Variants in SCN2B observed in about 807,000 individuals in gnomAD.
SCN2B encodes sodium channel regulatory subunit beta-2.
A neutral mutation model predicts 18.2 loss-of-function variants in SCN2B; 14 were observed. That is an observed-to-expected ratio of 0.77 (90% CI 0.51 to 1.21). SCN2B has a LOEUF of 1.21. SCN2B is among the 50% of genes most tolerant of loss of function. The pLI, the probability that SCN2B is intolerant of heterozygous loss-of-function variation, is 0.00. For synonymous variants in SCN2B, 115 were observed against 115.3 expected (o/e 1.00, Z 0.02); for missense variants, 262 against 286.9 (o/e 0.91, Z 0.63).
rs2135515737 is a variant in SCN2B, at chr11:118,163,819, G to A, written c.*3068C>T. ...GGAAGAACTTGTCAGCATAAGTTAG[G>A]AAACAGGGTAGGGAAATGGCTGCTG... On this transcript the variant is annotated 3_prime_UTR_variant, in exon 4 of 4. Transcript: ENST00000278947. 1 of 152,384 alleles carries A rather than the reference G, an allele frequency of 6.6e-6. No individual in the cohort carries two copies. Among genetic ancestry groups the A allele is most frequent in the East Asian group, 1.9e-4 (1 of 5,186 alleles). 9.4% of individuals were successfully genotyped at this position (152,384 alleles called of 1,614,324 possible).
rs551078829 is a variant in SCN2B at position 118,163,196 on chromosome 11, A to C, written c.*3691T>G. 2.0e-5 allele frequency: 3 copies of C among 152,586 alleles called. No individual in the cohort carries two copies. Among genetic ancestry groups the C allele is most frequent in the Non-Finnish European group, 4.4e-5 (3 of 68,048 alleles). 9.5% of individuals were successfully genotyped at this position (152,586 alleles called of 1,614,324 possible). On this transcript the variant is annotated 3_prime_UTR_variant, in exon 4 of 4. Transcript: ENST00000278947. ...TAGAGAGAGAGACTATGTACAGTGC[A>C]TCAGCAAGCTTCAATAAAGGAAGAC...
In SCN2B at chr11:118,166,991, A is replaced by T. The variant is rs1429668227; in HGVS notation, c.544T>A (p.Cys182Ser). ...VVILVLMVVK[C>S]VRRKKEQKLS... ...TTCTGCTCTTTTTTTCTCCTCACAC[A>T]CTTGACCACCATCAGCACCAAGATG... Residue 182 changes from cysteine (C) to serine (S), a missense_variant, in exon 4 of 4, where the codon TGT (cysteine) becomes AGT (serine). By Grantham distance (112) the Cys-to-Ser change is moderately radical. Coordinates refer to ENST00000278947, the MANE Select transcript of SCN2B (RefSeq NM_004588.5). 1.2e-6 allele frequency: 2 copies of T among 1,613,570 alleles called. No individual in the cohort carries two copies. Among genetic ancestry groups the T allele is most frequent in the South Asian group, 2.2e-5 (2 of 91,048 alleles).
chr11:118,174,990 A>G (rs1948458207), intron 1 of SCN2B, among the ~76,000 whole-genome samples: 1 of 152,204 alleles, frequency 6.6e-6, no homozygotes, highest in Admixed American at 6.5e-5. Context: ...CCAACGTTTA[A>G]GAGAATGTGC....
At chr11:118,170,904 C>T (rs908691538) in intron 1 of SCN2B, among the ~76,000 whole-genome samples, 1 of 152,176 alleles carries the variant, frequency 6.6e-6, no homozygotes, top group Non-Finnish European at 1.5e-5. Context: ...TGCCCCACTC[C>T]AACCAGTCCG....
rs978281888 is a variant in SCN2B, at chr11:118,168,829, G to A, written c.71-78C>T. 2.0e-6 allele frequency: 3 copies of A among 1,529,008 alleles called. No individual in the cohort carries two copies. In the African/African-American group the frequency reaches 4.1e-5, roughly 21 times the overall value. The allele number at this position is 1,529,008 out of a possible 1,614,324, so 94.7% of individuals were successfully genotyped here. ...GGGCAAGCCCTCTGTGCCTGGGAGT[G>A]TTGGGGGATGAGGCAGAGCAGAGCC... On this transcript the variant is annotated intron_variant, in intron 1 of 3. Coordinates refer to ENST00000278947, the MANE Select transcript of SCN2B (RefSeq NM_004588.5). The surrounding 1 kb of genome is among the most constrained non-coding windows in gnomAD (Gnocchi z 4.7).
chr11:118,171,065 G>A (rs1467511664), intron 1 of SCN2B, among the ~76,000 whole-genome samples: 1 of 152,112 alleles, frequency 6.6e-6, no homozygotes, highest in Non-Finnish European at 1.5e-5. Context: ...CCCCTGGCCC[G>A]AGTGACCAGG....
At chr11:118,174,086 C>CTTT (rs1948449367) in intron 1 of SCN2B, among the ~76,000 whole-genome samples, 1 of 54,730 alleles carries the variant, frequency 1.8e-5, no homozygotes, top group Non-Finnish European at 3.4e-5. Flanking sequence ...GCTTATTTTT[C>CTTT]TTTTCTTTTT....
At position 118,174,091 on chromosome 11, in the gene SCN2B, C is replaced by CTTTTTTTT. The variant is rs1162918445; in HGVS notation, c.70+2263_70+2270dup. 6.3e-3 allele frequency among the ~76,000 whole-genome samples: 420 copies of CTTTTTTTT among 66,666 alleles called. 24 individuals are homozygous for CTTTTTTTT. Among genetic ancestry groups the CTTTTTTTT allele is most frequent in the South Asian group, 8.3e-3 (11 of 1,328 alleles). 43.7% of individuals were successfully genotyped at this position (66,666 alleles called of 152,430 possible). On this transcript the variant is annotated intron_variant, in intron 1 of 3. Coordinates refer to ENST00000278947, the MANE Select transcript of SCN2B (RefSeq NM_004588.5). The stretch of plus-strand genomic sequence containing the variant: ...ACCATGCCTGGCTTATTTTTCTTTT[C>CTTTTTTTT]TTTTTTTTTTTTTTTTTTTTTTTTT...
At chr11:118,169,710 C>T (rs867856848) in intron 1 of SCN2B, among the ~76,000 whole-genome samples, 9 of 152,286 alleles carry the variant, frequency 5.9e-5, no homozygotes, top group East Asian at 5.8e-4. Flanking sequence ...CAAGGAGCTG[C>T]TACAGGCAGG....
At chr11:118,167,988 G>A in intron 3 of SCN2B, 97 bp downstream of exon 3, 1 of 971,480 alleles carries the variant, frequency 1.0e-6, no homozygotes, top group Non-Finnish European at 1.6e-6. Flanking sequence ...CCCATCCTCA[G>A]GAGGGCCTGG....
At chr11:118,170,064 A>G (rs1202886182) in intron 1 of SCN2B, among the ~76,000 whole-genome samples, 1 of 151,998 alleles carries the variant, frequency 6.6e-6, no homozygotes, top group Non-Finnish European at 1.5e-5. Context: ...TCATTCATTC[A>G]CTCATTTACC....
intron 1 of SCN2B, among the ~76,000 whole-genome samples, chr11:118,175,946 T>C (rs1368430902): frequency 1.3e-5 from 2 of 152,072 alleles, no homozygotes; most frequent in African/African-American, 4.8e-5. Flanking sequence ...CCTAATACCC[T>C]AAATCCACCA....
Position 118,168,763 on chromosome 11 carries a change from G to A in SCN2B, c.71-12C>T. On this transcript the variant is annotated splice_polypyrimidine_tract_variant and intron_variant, in intron 1 of 3. Coordinates refer to ENST00000278947, the MANE Select transcript of SCN2B (RefSeq NM_004588.5). This position sits in a 1 kb window ranked among gnomAD's most constrained non-coding sequence, Gnocchi z 4.7. The stretch of plus-strand genomic sequence containing the variant: ...CCGTCCTGGTGGCACTGCAGATGAA[G>A]CCACAAGCTGGTGAGGAGTCTGGCT... The A allele has an allele frequency of 6.2e-7, 1 of 1,614,078 alleles. No homozygotes were observed. Among genetic ancestry groups the A allele is most frequent in the Non-Finnish European group, 8.5e-7 (1 of 1,180,018 alleles).
In SCN2B at chr11:118,166,540, G is replaced by C. The variant is rs991059704; in HGVS notation, c.*347C>G. 3 of 380,798 alleles carry C rather than the reference G, an allele frequency of 7.9e-6. No homozygotes were observed. The highest frequency in any genetic ancestry group is 6.2e-5 in the African/African-American group (3 of 48,116). The allele number at this position is 380,798 out of a possible 1,614,324, so 23.6% of individuals were successfully genotyped here. A position where few individuals can be genotyped will look rare whatever the true frequency, so the allele number is the denominator to read the frequency against. ...GAAGCCACTGCCAGGCCAAGCACTGGGCAGGTGGACAGCGGCCCCCTCCTC... is the reference window on the plus strand; with the variant it reads ...GAAGCCACTGCCAGGCCAAGCACTGCGCAGGTGGACAGCGGCCCCCTCCTC... On this transcript the variant is annotated 3_prime_UTR_variant, in exon 4 of 4. Transcript: ENST00000278947.
chr11:118,176,316 G>A (rs1948467668), intron 1 of SCN2B, 46 bp downstream of exon 1: 1 of 1,529,796 alleles, frequency 6.5e-7, no homozygotes, highest in Admixed American at 1.7e-5. Flanking sequence ...TCACATTGCG[G>A]CTACACTTCT....
chr11:118,173,059 C>T (rs913931365), intron 1 of SCN2B, among the ~76,000 whole-genome samples: 3 of 152,118 alleles, frequency 2.0e-5, no homozygotes, highest in Non-Finnish European at 2.9e-5. Context: ...TCCAGTCCAT[C>T]CCCGTGCAGC....
chr11:118,176,488 C>T lies in SCN2B; in HGVS notation c.-57G>A, dbSNP rs376344753. 26 of 1,301,096 alleles carry T rather than the reference C, an allele frequency of 2.0e-5. 1 individual carries two copies. The highest frequency in any genetic ancestry group is 5.9e-5 in the African/African-American group (4 of 68,358). 80.6% of individuals were successfully genotyped at this position (1,301,096 alleles called of 1,614,324 possible). ...TACGGGAGAGGGTGATTTGAGGGGG[C>T]GAGAACTACAAGGGAGGAATGGTTG... On this transcript the variant is annotated 5_prime_UTR_variant, in exon 1 of 4. Coordinates refer to ENST00000278947, the MANE Select transcript of SCN2B (RefSeq NM_004588.5).
intron 1 of SCN2B, among the ~76,000 whole-genome samples, chr11:118,170,586 G>A (rs573691751): frequency 6.6e-6 from 1 of 152,190 alleles, no homozygotes; most frequent in East Asian, 1.9e-4. Context: ...GGGAGTATGG[G>A]GGCTGCTGGG....
chr11:118,168,480 C>T lies in SCN2B; in HGVS notation c.237+105G>A. 1.3e-6 allele frequency: 2 copies of T among 1,494,130 alleles called. No homozygotes were observed. Among genetic ancestry groups the T allele is most frequent in the Non-Finnish European group, 1.9e-6 (2 of 1,072,622 alleles). The allele number at this position is 1,494,130 out of a possible 1,614,324, so 92.6% of individuals were successfully genotyped here. On this transcript the variant is annotated intron_variant, in intron 2 of 3. Coordinates refer to ENST00000278947, the MANE Select transcript of SCN2B (RefSeq NM_004588.5). This position sits in a 1 kb window ranked among gnomAD's most constrained non-coding sequence, Gnocchi z 4.7. ...CCAGAGCACGCAGCCCACCCAGGGT[C>T]CTCTGGGGCCCTAGCGCAGTGCCGG...
Sources: allele counts gnomAD v4.1 joint callset (sites outside exome capture counted in the v4.1 genomes callset), GRCh38; gene constraint gnomAD v4.1.1; non-coding constraint Gnocchi (gnomAD v3.1); transcripts MANE v1.5; gene names NCBI Gene and HGNC (gene_info 2026-07-23, HGNC 2026-07-21).